MTUS1: variants seen among roughly 807,000 people sequenced by gnomAD.
The protein encoded by MTUS1 is microtubule-associated tumor suppressor 1.
A neutral mutation model predicts 120.8 loss-of-function variants in MTUS1; 109 were observed. The observed-to-expected ratio is 0.90, with a 90% CI of 0.77 to 1.06. MTUS1 has a LOEUF of 1.06. Ranked by LOEUF, MTUS1 falls within the 50% of genes least tolerant of loss-of-function variation. MTUS1 has a pLI of 0.00. For missense variants in MTUS1, 2,210 were observed against 1,486.3 expected, an observed-to-expected ratio of 1.49 and a Z score of -8.01; for synonymous variants, 737 against 550.5, an observed-to-expected ratio of 1.34 and a Z score of -4.74.
Position 17,643,837 on chromosome 8 carries a change from A to AAAT in MTUS1, c.*2086_*2088dup, listed in dbSNP as rs1216759358. 6.6e-6 allele frequency: 1 copy of AAAT among 152,232 alleles called. No individual in the cohort carries two copies. The highest frequency in any genetic ancestry group is 2.4e-5 in the African/African-American group (1 of 41,448). 9.4% of individuals were successfully genotyped at this position (152,232 alleles called of 1,614,324 possible). On this transcript the variant is annotated 3_prime_UTR_variant, in exon 15 of 15. Transcript: ENST00000693296. ...CAGCATTATTTATTTGATCAGAGTA[A>AAAT]AATACACTTCCCATCACTACAAACT...
chr8:17,708,925 C>T (rs1267469867), intron 6 of MTUS1: 3 of 152,162 alleles, frequency 2.0e-5, no homozygotes, highest in Non-Finnish European at 4.4e-5. Flanking sequence ...ATCACGAGGT[C>T]AGAAGATCGA....
chr8:17,673,537 G>C (rs1336319295), intron 8 of MTUS1, among the ~76,000 whole-genome samples: 1 of 152,108 alleles, frequency 6.6e-6, no homozygotes. Context: ...CTGCAGTCTC[G>C]AACTCCTGGG....
chr8:17,711,132 G>T (rs556420979), intron 6 of MTUS1, among the ~76,000 whole-genome samples: 2 of 152,298 alleles, frequency 1.3e-5, no homozygotes, highest in East Asian at 1.9e-4. Flanking sequence ...AGAATTTTCA[G>T]AATGGTAAGT....
chr8:17,708,388 A>C (rs1243518522), intron 6 of MTUS1, among the ~76,000 whole-genome samples: 1 of 152,188 alleles, frequency 6.6e-6, no homozygotes, highest in Non-Finnish European at 1.5e-5. Context: ...AAATTGAAAC[A>C]ACAATGAGGT....
At chr8:17,649,558 T>G (rs1277400743) in intron 13 of MTUS1, among the ~76,000 whole-genome samples, 1 of 152,236 alleles carries the variant, frequency 6.6e-6, no homozygotes, top group Non-Finnish European at 1.5e-5. Flanking sequence ...ATTTTTCTTA[T>G]GCAGGTGAAG....
chr8:17,757,129 C>T (rs191561942), intron 1 of MTUS1, among the ~76,000 whole-genome samples: 1 of 152,224 alleles, frequency 6.6e-6, no homozygotes, highest in Admixed American at 6.5e-5. Context: ...TCATAATAGT[C>T]ATAAAGTAGA....
intron 4 of MTUS1, chr8:17,721,636 G>C: frequency 1.4e-6 from 2 of 1,462,098 alleles, no homozygotes. Context: ...CAGAAGTCAA[G>C]AGATCCTAAA....
intron 6 of MTUS1, among the ~76,000 whole-genome samples, chr8:17,685,848 T>C (rs1201667281): frequency 1.3e-5 from 2 of 152,220 alleles, no homozygotes; most frequent in East Asian, 3.8e-4. Context: ...TATTTATCCA[T>C]TACTCTTTAT....
rs553225808 is a variant in MTUS1 at position 17,689,541 on chromosome 8, A to G, written c.2624-4999T>C. 5.9e-5 allele frequency among the ~76,000 whole-genome samples: 9 copies of G among 152,280 alleles called. No individual in the cohort carries two copies. In the South Asian group the frequency reaches 1.9e-3, roughly 32 times the overall value. On this transcript the variant is annotated intron_variant, in intron 6 of 14. Coordinates refer to ENST00000693296, the MANE Select transcript of MTUS1 (RefSeq NM_001363059.2). ...TCCATATAGCTGGCAGGAAAAAACC[A>G]AATTTCTCATACTCTTATGTACCTA... is the stretch of plus-strand genomic sequence containing the variant.
chr8:17,662,281 C>G (rs925160308), intron 8 of MTUS1, among the ~76,000 whole-genome samples: 2 of 151,518 alleles, frequency 1.3e-5, no homozygotes, highest in Non-Finnish European at 2.9e-5. Context: ...AACAAGCAAG[C>G]ATGGACATGC....
chr8:17,762,836 G>A lies in MTUS1; in HGVS notation c.-154-6875C>T, dbSNP rs189381335. ...AGGCAAGGATGGGGCCTGAGATTCT[G>A]CATTTCTATCCTTCTCCCTGGTGAT... On this transcript the variant is annotated intron_variant, in intron 1 of 14. Coordinates refer to ENST00000693296, the MANE Select transcript of MTUS1 (RefSeq NM_001363059.2). Among the ~76,000 whole-genome samples, 211 of 152,240 alleles carry A rather than the reference G, an allele frequency of 1.4e-3. 3 individuals carry two copies. The highest frequency in any genetic ancestry group is 7.5e-4 in the Non-Finnish European group (51 of 68,020).
intron 6 of MTUS1, among the ~76,000 whole-genome samples, chr8:17,711,865 T>A (rs1174099347): frequency 1.3e-5 from 2 of 152,174 alleles, no homozygotes; most frequent in Admixed American, 1.3e-4. Flanking sequence ...TTCAATATTA[T>A]TGTGTCTCAG....
chr8:17,753,920 C>G lies in MTUS1; in HGVS notation c.1888G>C (p.Val630Leu). ...SSNSACETGS[V>L]SALFQKIKGI... Reference sequence around the variant, plus strand: ...TTGATCTTCTGAAACAACGCAGAAACGGACCCGGTCTCGCATGCTGAGTTA... The same window carrying G: ...TTGATCTTCTGAAACAACGCAGAAAGGGACCCGGTCTCGCATGCTGAGTTA... Residue 630 changes from valine (V) to leucine (L), a missense_variant, in exon 2 of 15, where the codon GTT becomes CTT. Coordinates refer to ENST00000693296, the MANE Select transcript of MTUS1 (RefSeq NM_001363059.2). 6.2e-7 allele frequency: 1 copy of G among 1,614,138 alleles called. No homozygotes were observed. Among genetic ancestry groups the G allele is most frequent in the Non-Finnish European group, 8.5e-7 (1 of 1,180,022 alleles).
chr8:17,781,377 A>G (rs1451940954), intron 1 of MTUS1, among the ~76,000 whole-genome samples: 1 of 152,220 alleles, frequency 6.6e-6, no homozygotes, highest in African/African-American at 2.4e-5. Context: ...ATTTCAACTT[A>G]AAATGTGTAG....
At chr8:17,781,921 G>C (rs1232680457) in intron 1 of MTUS1, among the ~76,000 whole-genome samples, 1 of 152,150 alleles carries the variant, frequency 6.6e-6, no homozygotes, top group African/African-American at 2.4e-5. Flanking sequence ...GGTCCCTGTG[G>C]GATTAGCAAC....
At chr8:17,668,283 ATTC>A (rs1231206057) in intron 8 of MTUS1, among the ~76,000 whole-genome samples, 5 of 152,192 alleles carry the variant, frequency 3.3e-5, no homozygotes, top group African/African-American at 4.8e-5. Context: ...GCACTAGACA[ATTC>A]TTCTTCCAAC....
chr8:17,788,448 T>C (rs1406820087), intron 1 of MTUS1, among the ~76,000 whole-genome samples: 3 of 152,166 alleles, frequency 2.0e-5, no homozygotes, highest in Non-Finnish European at 4.4e-5. Context: ...TTACCGTTTC[T>C]GTCTCTTTAC....
At chr8:17,799,437 T>G (rs2052507432) in intron 1 of MTUS1, among the ~76,000 whole-genome samples, 1 of 152,142 alleles carries the variant, frequency 6.6e-6, no homozygotes, top group African/African-American at 2.4e-5. Context: ...TATTAACAAG[T>G]ATTTTCTTAA....
At chr8:17,723,918 G>A in intron 3 of MTUS1, 85 bp from the exon 4 acceptor site, 1 of 1,103,752 alleles carries the variant, frequency 9.1e-7, no homozygotes, top group South Asian at 1.6e-5. Flanking sequence ...TCAAACTTCT[G>A]CACTAACAAC....
Sources: gnomAD v4.1 joint callset for allele counts (sites outside exome capture counted in the v4.1 genomes callset) on GRCh38, gnomAD v4.1.1 for gene constraint, MANE v1.5 for transcripts, NCBI Gene and HGNC (gene_info 2026-07-23, HGNC 2026-07-21) for gene names.